The following PSMB2 variants were observed in gnomAD, a reference collection of about 807,000 sequenced individuals.
PSMB2 encodes proteasome subunit beta type-2.
Under a neutral mutation model 25.7 loss-of-function variants are expected in PSMB2, and 13 were observed. That is an observed-to-expected ratio of 0.51 (90% CI 0.33 to 0.80). PSMB2 has a LOEUF of 0.80. Ranked by LOEUF, PSMB2 falls within the 30% of genes least tolerant of loss-of-function variation. The pLI, the probability that PSMB2 is intolerant of heterozygous loss-of-function variation, is 0.02. For missense variants in PSMB2, 202 were observed against 259.0 expected (o/e 0.78, Z 1.51); for synonymous variants, 87 against 96.2 (o/e 0.90, Z 0.56).
intron 3 of PSMB2, among the ~76,000 whole-genome samples, chr1:35,626,911 A>C (rs1650879948): frequency 6.6e-6 from 1 of 151,922 alleles, no homozygotes; most frequent in Admixed American, 6.5e-5. Context: ...TTTTTTTTTT[A>C]AGAACAAAAG....
intron 4 of PSMB2, among the ~76,000 whole-genome samples, chr1:35,608,157 G>T (rs1160238652): frequency 6.6e-6 from 1 of 152,200 alleles, no homozygotes; most frequent in African/African-American, 2.4e-5. Context: ...TTGAAGTCAG[G>T]AGTTCTGGAC....
chr1:35,601,549 T>C lies in PSMB2; in HGVS notation c.*1718A>G, dbSNP rs1650001166. On this transcript the variant is annotated 3_prime_UTR_variant, in exon 6 of 6. Transcript: ENST00000373237. The stretch of plus-strand genomic sequence containing the variant: ...TTCTTATGGTGTAAGGCATTTATCA[T>C]TGGCGTATTAAATAGTGTATAAGAC... 2.0e-6 allele frequency: 2 copies of C among 985,284 alleles called. No homozygotes were observed. Among genetic ancestry groups the C allele is most frequent in the African/African-American group, 1.7e-5 (1 of 57,224 alleles). The allele number at this position is 985,284 out of a possible 1,614,324, so 61.0% of individuals were successfully genotyped here.
At chr1:35,609,718 T>C (rs1316888468) in intron 3 of PSMB2, among the ~76,000 whole-genome samples, 1 of 152,188 alleles carries the variant, frequency 6.6e-6, no homozygotes, top group Non-Finnish European at 1.5e-5. Context: ...AAGTATTTGA[T>C]AGCAAAACAG....
chr1:35,608,970 A>C (rs546815687), intron 4 of PSMB2, among the ~76,000 whole-genome samples: 12 of 152,238 alleles, frequency 7.9e-5, no homozygotes, highest in Non-Finnish European at 1.6e-4. Flanking sequence ...TGTTTTATTC[A>C]CTGTGACATC....
chr1:35,600,065 G>A lies in PSMB2; in HGVS notation c.*3202C>T. On this transcript the variant is annotated 3_prime_UTR_variant, in exon 6 of 6. Transcript: ENST00000373237. Reference sequence around the variant, plus strand: ...GTAAGAGGTTCACTTGAGCCCAGGAGTTCAAGTGAACTTACTGCAGTAAGC... The same window carrying A: ...GTAAGAGGTTCACTTGAGCCCAGGAATTCAAGTGAACTTACTGCAGTAAGC... 1 of 727,568 alleles carries A rather than the reference G, an allele frequency of 1.4e-6. No homozygotes were observed. Among genetic ancestry groups the A allele is most frequent in the Non-Finnish European group, 1.7e-6 (1 of 595,006 alleles). 45.1% of individuals were successfully genotyped at this position (727,568 alleles called of 1,614,324 possible). A position where few individuals can be genotyped will look rare whatever the true frequency, so the allele number is the denominator to read the frequency against.
At chr1:35,619,207 T>C (rs1470088166) in intron 3 of PSMB2, among the ~76,000 whole-genome samples, 3 of 152,256 alleles carry the variant, frequency 2.0e-5, no homozygotes, top group African/African-American at 2.4e-5. Context: ...TGTTTTTGCT[T>C]AATACACTGG....
chr1:35,609,452 C>G, intron 3 of PSMB2, 44 bp from the exon 4 acceptor site: 1 of 1,384,854 alleles, frequency 7.2e-7, no homozygotes, highest in African/African-American at 1.5e-5. Flanking sequence ...AAGCAGAACA[C>G]CAACATCTCT....
intron 2 of PSMB2, chr1:35,631,597 C>A: frequency 3.1e-6 from 3 of 965,446 alleles, no homozygotes; most frequent in Non-Finnish European, 4.1e-6. Context: ...CTTCTAGCAG[C>A]CTTGCTTAAA....
chr1:35,601,500 C>A lies in PSMB2; in HGVS notation c.*1767G>T. The A allele has an allele frequency of 4.1e-6, 4 of 985,322 alleles. No homozygotes were observed. The highest frequency in any genetic ancestry group is 3.6e-6 in the Non-Finnish European group (3 of 829,898). The allele number at this position is 985,322 out of a possible 1,614,324, so 61.0% of individuals were successfully genotyped here. ...AGTGACGTGAATCATCTCTTTTCTC[C>A]CATTTACTCAATGATTAGCTTTCTT... On this transcript the variant is annotated 3_prime_UTR_variant, in exon 6 of 6. Coordinates refer to ENST00000373237, the MANE Select transcript of PSMB2 (RefSeq NM_002794.5).
chr1:35,603,292 A>G lies in PSMB2; in HGVS notation c.581T>C (p.Ile194Thr), dbSNP rs1447847412. The change falls in exon 6 of 6, where the codon ATT (isoleucine) becomes ACT (threonine). Residue 194 changes from isoleucine to threonine, a missense_variant. Physicochemically the swap from Ile to Thr is moderately conservative, Grantham distance 89. Transcript: ENST00000373237. ...DKNGIHDLDN[I>T]SFPKQGS ...TTAGGAGCCCTGTTTGGGGAAGGAA[A>G]TGTTATCCAGGTCATGGATGCCATT... 3.7e-6 allele frequency: 6 copies of G among 1,614,040 alleles called. No homozygotes were observed. The highest frequency in any genetic ancestry group is 4.2e-6 in the Non-Finnish European group (5 of 1,180,004).
chr1:35,621,162 C>T (rs1308401528), intron 3 of PSMB2, among the ~76,000 whole-genome samples: 1 of 152,178 alleles, frequency 6.6e-6, no homozygotes, highest in Non-Finnish European at 1.5e-5. Context: ...CTAACATACT[C>T]TCAAACACCT....
rs1243767874 is a variant in PSMB2, at chr1:35,603,107, A to AT, written c.*159dup. The stretch of plus-strand genomic sequence containing the variant: ...CCCTCCATATCCTTTCTGAGGTAAT[A>AT]TTAGGTAAACTGAGACCTGGACCAG... On this transcript the variant is annotated 3_prime_UTR_variant, in exon 6 of 6. Transcript: ENST00000373237. The AT allele has an allele frequency of 7.1e-7, 1 of 1,412,730 alleles. No individual in the cohort carries two copies. The highest frequency in any genetic ancestry group is 9.2e-7 in the Non-Finnish European group (1 of 1,084,586). 87.5% of individuals were successfully genotyped at this position (1,412,730 alleles called of 1,614,324 possible).
At chr1:35,626,424 T>G (rs193235169) in intron 3 of PSMB2, among the ~76,000 whole-genome samples, 1 of 152,374 alleles carries the variant, frequency 6.6e-6, no homozygotes, top group Admixed American at 6.5e-5. Context: ...GCAGAATATA[T>G]AGACCTAGCT....
intron 3 of PSMB2, among the ~76,000 whole-genome samples, chr1:35,620,750 T>C (rs548473366): frequency 6.6e-6 from 1 of 151,282 alleles, no homozygotes; most frequent in East Asian, 2.0e-4. Flanking sequence ...AAAACCCCTC[T>C]GCCTCCTGGG....
chr1:35,615,254 C>CAT (rs967146977), intron 3 of PSMB2, among the ~76,000 whole-genome samples: 14 of 152,192 alleles, frequency 9.2e-5, no homozygotes, highest in Non-Finnish European at 1.5e-4. Flanking sequence ...CTGATAAGCA[C>CAT]ATCTCTTATG....
At chr1:35,632,421 G>C (rs1651131859) in intron 2 of PSMB2, among the ~76,000 whole-genome samples, 1 of 152,184 alleles carries the variant, frequency 6.6e-6, no homozygotes, top group South Asian at 2.1e-4. Flanking sequence ...ACAGCAGTGT[G>C]GTTAAGTAAT....
chr1:35,639,938 T>G (rs1651344784), intron 1 of PSMB2, among the ~76,000 whole-genome samples: 1 of 152,170 alleles, frequency 6.6e-6, no homozygotes, highest in South Asian at 2.1e-4. Context: ...GCTATTACAT[T>G]ACCACCTTAT....
chr1:35,603,390 G>A lies in PSMB2; in HGVS notation c.499-16C>T, dbSNP rs746913989. 2 of 1,613,514 alleles carry A rather than the reference G, an allele frequency of 1.2e-6. No homozygotes were observed. The highest frequency in any genetic ancestry group is 1.7e-6 in the Non-Finnish European group (2 of 1,179,704). On this transcript the variant is annotated splice_polypyrimidine_tract_variant and intron_variant, in intron 5 of 5. Coordinates refer to ENST00000373237, the MANE Select transcript of PSMB2 (RefSeq NM_002794.5). ...GTTTCTGGAGCTGCAGAGAGACATG[G>A]AGGAAATCAGTCAACAAATGATTAC...
At chr1:35,638,802 T>C (rs1185590993) in intron 1 of PSMB2, among the ~76,000 whole-genome samples, 1 of 152,224 alleles carries the variant, frequency 6.6e-6, no homozygotes, top group Non-Finnish European at 1.5e-5. Context: ...GTCTACTCTA[T>C]AGTATCAAAA....
Sources: allele counts gnomAD v4.1 joint callset (sites outside exome capture counted in the v4.1 genomes callset), GRCh38; gene constraint gnomAD v4.1.1; transcripts MANE v1.5; gene names NCBI Gene and HGNC (gene_info 2026-07-23, HGNC 2026-07-21).